The following STK3 variants were observed in gnomAD, a reference collection of about 807,000 sequenced individuals.
The protein encoded by STK3 is serine/threonine-protein kinase 3.
In STK3, 41 loss-of-function variants were observed where a neutral mutation model predicts 58.0. That is an observed-to-expected ratio of 0.71 (90% CI 0.55 to 0.92). The LOEUF is 0.92. Ranked by LOEUF, STK3 falls within the 40% of genes least tolerant of loss-of-function variation. STK3 has a pLI of 0.00. For synonymous variants in STK3, 170 were observed against 191.0 expected (o/e 0.89, Z 0.91); for missense variants, 479 against 602.7 (o/e 0.79, Z 2.15).
At chr8:98,550,451 A>G (rs1811068498) in intron 8 of STK3, among the ~76,000 whole-genome samples, 1 of 152,170 alleles carries the variant, frequency 6.6e-6, no homozygotes, top group African/African-American at 2.4e-5. Flanking sequence ...TTATCTCTCC[A>G]GTCTCTCCTA....
chr8:98,811,664 A>T (rs1289346163), intron 1 of STK3, among the ~76,000 whole-genome samples: 1 of 152,116 alleles, frequency 6.6e-6, no homozygotes, highest in Non-Finnish European at 1.5e-5. Context: ...TCAATGTAAC[A>T]TTATTAAACG....
chr8:98,699,967 G>A (rs892067123), intron 6 of STK3, among the ~76,000 whole-genome samples: 1 of 152,256 alleles, frequency 6.6e-6, no homozygotes, highest in East Asian at 1.9e-4. Context: ...TGCCTCCAGA[G>A]GTGAAGCCTA....
intron 3 of STK3, among the ~76,000 whole-genome samples, chr8:98,873,720 T>C (rs763042872): frequency 6.6e-6 from 1 of 152,210 alleles, no homozygotes; most frequent in Non-Finnish European, 1.5e-5. Context: ...TCACTTTATT[T>C]TGAGCCTATG....
intron 1 of STK3, among the ~76,000 whole-genome samples, chr8:98,781,558 G>T (rs1335408724): frequency 6.6e-6 from 1 of 152,088 alleles, no homozygotes. Context: ...AGAACTCCAC[G>T]AATACAAAGG....
intron 10 of STK3, among the ~76,000 whole-genome samples, chr8:98,481,329 G>A (rs148633874): frequency 1.8e-4 from 28 of 152,100 alleles, no homozygotes; most frequent in South Asian, 4.2e-4. Context: ...ATTCACAGTC[G>A]CAAAGATATG....
At chr8:98,419,096 C>A (rs545020158) in intron 3 of STK3, among the ~76,000 whole-genome samples, 9 of 152,156 alleles carry the variant, frequency 5.9e-5, no homozygotes, top group Admixed American at 2.6e-4. Flanking sequence ...TACGGTGGCT[C>A]ACGCCTGAAA....
intron 4 of STK3, among the ~76,000 whole-genome samples, chr8:98,718,795 T>C (rs539603195): frequency 1.2e-3 from 180 of 152,210 alleles, no homozygotes; most frequent in African/African-American, 4.1e-3. Context: ...TTGTTATTTA[T>C]TAATATGTGT....
chr8:98,772,731 G>T (rs562900986), intron 2 of STK3, among the ~76,000 whole-genome samples: 2 of 151,978 alleles, frequency 1.3e-5, no homozygotes, highest in South Asian at 2.1e-4. Flanking sequence ...ATAAAACTGC[G>T]TGGCACCTCC....
At chr8:98,642,811 AG>A (rs1820124410) in intron 6 of STK3, among the ~76,000 whole-genome samples, 1 of 152,244 alleles carries the variant, frequency 6.6e-6, no homozygotes, top group Non-Finnish European at 1.5e-5. Context: ...ATGGATGGAC[AG>A]GCAGATGGAA....
chr8:98,781,359 T>C (rs1373633444), intron 1 of STK3, among the ~76,000 whole-genome samples: 1 of 152,048 alleles, frequency 6.6e-6, no homozygotes. Context: ...GGTTCAGCAA[T>C]CTATCTAGAG....
At chr8:98,790,046 A>AG (rs1365315056) in intron 1 of STK3, among the ~76,000 whole-genome samples, 5 of 151,070 alleles carry the variant, frequency 3.3e-5, no homozygotes, top group Admixed American at 2.0e-4. Flanking sequence ...AAAAAAAAAA[A>AG]AGTCCAGGAC....
intron 1 of STK3, among the ~76,000 whole-genome samples, chr8:98,940,997 G>C (rs940355689): frequency 6.6e-6 from 1 of 152,204 alleles, no homozygotes; most frequent in Non-Finnish European, 1.5e-5. Flanking sequence ...AAGGGGCTCG[G>C]GCCCAGGTAC....
chr8:98,881,793 T>TA (rs1362982657), downstream of STK3: 14 of 152,254 alleles, frequency 9.2e-5, no homozygotes, highest in South Asian at 2.1e-4. Context: ...TATGCATTGC[T>TA]AAAAAAATCC....
intron 6 of STK3, among the ~76,000 whole-genome samples, chr8:98,616,903 C>T (rs569687951): frequency 0.018 from 2,660 of 151,864 alleles, 72 homozygotes; most frequent in African/African-American, 0.061. Flanking sequence ...GACAGATCAA[C>T]GAGACAGAAA....
chr8:98,695,208 G>A (rs1824777955), intron 6 of STK3, among the ~76,000 whole-genome samples: 1 of 151,986 alleles, frequency 6.6e-6, no homozygotes, highest in Admixed American at 6.6e-5. Flanking sequence ...TTTTTTTCTT[G>A]TAAATTTGTT....
At chr8:98,697,309 C>A (rs1451391816) in intron 6 of STK3, among the ~76,000 whole-genome samples, 2 of 152,282 alleles carry the variant, frequency 1.3e-5, no homozygotes, top group East Asian at 3.9e-4. Context: ...AGAAAACCAG[C>A]TCCTGGATTC....
chr8:98,930,109 G>A (rs1429293180), intron 1 of STK3, among the ~76,000 whole-genome samples: 1 of 152,136 alleles, frequency 6.6e-6, no homozygotes, highest in Admixed American at 6.5e-5. Context: ...CCCATCCTGG[G>A]CTCACATTTT....
At chr8:98,774,931 G>T in intron 1 of STK3, 112 bp from the exon 2 acceptor site, 1 of 650,494 alleles carries the variant, frequency 1.5e-6, no homozygotes, top group Non-Finnish European at 2.4e-6. Context: ...ATATTCAGAA[G>T]ACTCAAACAA....
At chr8:98,862,021 T>TC (rs1836956018) in intron 3 of STK3, among the ~76,000 whole-genome samples, 1 of 152,214 alleles carries the variant, frequency 6.6e-6, no homozygotes, top group Admixed American at 6.5e-5. Context: ...GGGTCTTTTT[T>TC]CCCACTCAAA....
Sources: allele counts gnomAD v4.1 joint callset (sites outside exome capture counted in the v4.1 genomes callset), GRCh38; gene constraint gnomAD v4.1.1; transcripts MANE v1.5; gene names NCBI Gene and HGNC (gene_info 2026-07-23, HGNC 2026-07-21).